PLK5: variants seen among roughly 807,000 people sequenced by gnomAD.
PLK5 encodes the protein polo like kinase 5 (inactive).
PLK5 carries 28 observed loss-of-function variants against 33.7 expected under a neutral mutation model. The observed-to-expected ratio is 0.83, with a 90% confidence interval of 0.62 to 1.14. PLK5 has a LOEUF of 1.14. PLK5 is among the 50% of genes most tolerant of loss of function. PLK5 has a pLI of 0.00. For missense variants in PLK5, 492 were observed against 461.5 expected (o/e 1.07, Z -0.61); for synonymous variants, 225 against 202.2 (o/e 1.11, Z -0.96).
intron 12 of PLK5, among the ~76,000 whole-genome samples, chr19:1,532,317 T>C (rs557201196): frequency 6.6e-6 from 1 of 152,088 alleles, no homozygotes; most frequent in East Asian, 1.9e-4. Flanking sequence ...AGGTGCGGAC[T>C]CGCTTGAACC....
chr19:1,535,328 C>T lies in PLK5; in HGVS notation c.*78C>T, dbSNP rs1914066998. On this transcript the variant is annotated 3_prime_UTR_variant, in exon 14 of 14. Transcript: ENST00000454744. ...TCCATTTCCATTCCTGTGGCTCCCC[C>T]AGAGGGGCTGTCCTGGGGGAGGGCT... 5.5e-6 allele frequency: 8 copies of T among 1,442,476 alleles called. No individual in the cohort carries two copies. The highest frequency in any genetic ancestry group is 6.5e-6 in the Non-Finnish European group (7 of 1,084,386). 89.4% of individuals were successfully genotyped at this position (1,442,476 alleles called of 1,614,324 possible).
In PLK5 at chr19:1,525,616, C is replaced by G. The variant is rs1913718092; in HGVS notation, c.-408C>G. 1 of 152,674 alleles carries G rather than the reference C, an allele frequency of 6.5e-6. No individual in the cohort carries two copies. Among genetic ancestry groups the G allele is most frequent in the South Asian group, 2.1e-4 (1 of 4,840 alleles). The allele number at this position is 152,674 out of a possible 1,614,324, so 9.5% of individuals were successfully genotyped here. ...GCAGGTGGAGCGTGAGATTGCCCTG[C>G]ATAGCCGCCTGCGACCCCGCAACAT... is the stretch of plus-strand genomic sequence containing the variant. On this transcript the variant is annotated 5_prime_UTR_variant, in exon 3 of 14. Transcript: ENST00000454744.
intron 3 of PLK5, among the ~76,000 whole-genome samples, chr19:1,526,010 T>C (rs779059871): frequency 1.3e-5 from 2 of 152,048 alleles, no homozygotes; most frequent in African/African-American, 2.4e-5. Flanking sequence ...CTTGGCCCCC[T>C]TGGACTCACC....
At position 1,526,736 on chromosome 19, in the gene PLK5, A is replaced by G; in HGVS notation, c.-150A>G. Reference sequence around the variant, plus strand: ...CTTCCTTAACAAGAACATGGAGGTGAAGATTGGAGACCTGGGACTGGCGGC... The same window carrying G: ...CTTCCTTAACAAGAACATGGAGGTGGAGATTGGAGACCTGGGACTGGCGGC... On this transcript the variant is annotated 5_prime_UTR_variant, in exon 5 of 14. Coordinates refer to ENST00000454744, the MANE Select transcript of PLK5 (RefSeq NM_001243079.2). The G allele has an allele frequency of 1.8e-6, 1 of 548,674 alleles. No individual in the cohort carries two copies. Among genetic ancestry groups the G allele is most frequent in the South Asian group, 2.0e-5 (1 of 49,068 alleles). The allele number at this position is 548,674 out of a possible 1,614,324, so 34.0% of individuals were successfully genotyped here.
Position 1,529,349 on chromosome 19 carries a change from C to T in PLK5, c.406-57C>T, listed in dbSNP as rs118027195. 4.7e-4 allele frequency: 666 copies of T among 1,432,100 alleles called. 5 individuals are homozygous for T. In the East Asian group the frequency reaches 0.012, roughly 26 times the overall value. 88.7% of individuals were successfully genotyped at this position (1,432,100 alleles called of 1,614,324 possible). A position where few individuals can be genotyped will look rare whatever the true frequency, so the allele number is the denominator to read the frequency against. On this transcript the variant is annotated intron_variant, in intron 9 of 13. Transcript: ENST00000454744. ...GGGCCAGAGCCTGCCACCCACCTCACGCCTGTCCCTGGGGCTGGGGCCGGG... is the reference window on the plus strand; with the variant it reads ...GGGCCAGAGCCTGCCACCCACCTCATGCCTGTCCCTGGGGCTGGGGCCGGG...
At position 1,527,979 on chromosome 19, in the gene PLK5, C is replaced by T. The variant is rs953240778; in HGVS notation, c.46C>T (p.Leu16=). 5.9e-6 allele frequency: 9 copies of T among 1,535,916 alleles called. No individual in the cohort carries two copies. The Admixed American group carries it at 9.8e-5, about 17-fold the overall frequency. ...TGTPPFMASP[L]SEMYQNIREG... is the part of the protein sequence containing the mutation. ...CACCCCACCCTTCATGGCCTCACCC[C>T]TGTCGGAGATGTACCAAAACATCCG... is the stretch of plus-strand genomic sequence containing the variant. Residue 16 remains leucine, a synonymous_variant, in exon 7 of 14, where the codon CTG becomes TTG. Coordinates refer to ENST00000454744, the MANE Select transcript of PLK5 (RefSeq NM_001243079.2).
rs1219794236 is a variant in PLK5, at chr19:1,534,028, A to G, written c.812A>G (p.Asn271Ser). 1.4e-5 allele frequency: 22 copies of G among 1,535,456 alleles called. No homozygotes were observed. The highest frequency in any genetic ancestry group is 9.8e-5 in the East Asian group (4 of 40,892). Reference sequence around the variant, plus strand: ...CACGCCCTGCTGCTGCTGTTCAGCAATGGGATGGTGCAGGTGAGCCCGGGG... The same window carrying G: ...CACGCCCTGCTGCTGCTGTTCAGCAGTGGGATGGTGCAGGTGAGCCCGGGG... ...SEHALLLLFS[N>S]GMVQVSFSGV... The change falls in exon 13 of 14, where the codon AAT becomes AGT. Residue 271 changes from asparagine (N) to serine (S), a missense_variant. Transcript: ENST00000454744.
intron 10 of PLK5, 44 bp downstream of exon 10, chr19:1,529,534 G>C: frequency 6.6e-7 from 1 of 1,511,336 alleles, no homozygotes; most frequent in Non-Finnish European, 8.9e-7. Context: ...GGTGGGGAGG[G>C]AGGAATTACA....
At chr19:1,534,815 T>TAA (rs33945378) in intron 13 of PLK5, among the ~76,000 whole-genome samples, 29 of 146,024 alleles carry the variant, frequency 2.0e-4, no homozygotes, top group African/African-American at 5.7e-4. Context: ...GGACTCTGTT[T>TAA]AAAAAAAAAA....
rs1228781019 is a variant in PLK5 at position 1,528,149 on chromosome 19, T to TTGG, written c.201+15_201+16insTGG. ...TCTTCACACAGGTGGGCGGCGGTCCTCGGCGTGGGGTCCCTGGCGTGGGGT... is the reference window on the plus strand; with the variant it reads ...TCTTCACACAGGTGGGCGGCGGTCCTTGGCGGCGTGGGGTCCCTGGCGTGGGGT... On this transcript the variant is annotated intron_variant, in intron 7 of 13. Transcript: ENST00000454744. 1.9e-5 allele frequency: 21 copies of TTGG among 1,112,240 alleles called. No individual in the cohort carries two copies. Among genetic ancestry groups the TTGG allele is most frequent in the African/African-American group, 9.3e-5 (5 of 53,606 alleles). 68.9% of individuals were successfully genotyped at this position (1,112,240 alleles called of 1,614,324 possible).
At chr19:1,529,629 C>T in intron 10 of PLK5, 118 bp from the exon 11 acceptor site, 1 of 1,401,708 alleles carries the variant, frequency 7.1e-7, no homozygotes, top group Non-Finnish European at 9.8e-7. Flanking sequence ...AATGGGAATG[C>T]CGCCTCTGGG....
intron 11 of PLK5, among the ~76,000 whole-genome samples, chr19:1,530,261 G>T (rs908510475): frequency 6.6e-6 from 1 of 151,814 alleles, no homozygotes. Context: ...CAAACCCCAC[G>T]CCAGGTCTCC....
rs1373688809 is a variant in PLK5, at chr19:1,535,088, C to T, written c.849C>T (p.Ala283=). ...AGGTGAGCTTCAGTGGAGTCCCGGC[C>T]CAACTGGTGCTGAGTGGCGAGGGTG... ...MVQVSFSGVP[A]QLVLSGEGEG... The change falls in exon 14 of 14, where the codon GCC becomes GCT. Residue 283 remains alanine, a synonymous_variant. Transcript: ENST00000454744. The T allele has an allele frequency of 7.8e-6, 12 of 1,532,646 alleles. No homozygotes were observed. Among genetic ancestry groups the T allele is most frequent in the Non-Finnish European group, 1.0e-5 (12 of 1,145,430 alleles). 94.9% of individuals were successfully genotyped at this position (1,532,646 alleles called of 1,614,324 possible). A position where few individuals can be genotyped will look rare whatever the true frequency, so the allele number is the denominator to read the frequency against.
At chr19:1,528,459 ACACCTGCCCACGCCTCC>A in intron 8 of PLK5, 31 bp downstream of exon 8, 2 of 1,476,304 alleles carry the variant, frequency 1.4e-6, no homozygotes, top group Non-Finnish European at 1.8e-6. Flanking sequence ...CACCTGCCCA[ACACCTGCCCACGCCTCC>A]CACCTGCCCA....
intron 10 of PLK5, 61 bp downstream of exon 10, chr19:1,529,551 A>AG (rs1568253510): frequency 6.7e-7 from 1 of 1,490,836 alleles, no homozygotes; most frequent in Admixed American, 2.0e-5. Context: ...TACAAGTGAC[A>AG]GGGGGACCAA....
At chr19:1,529,645 G>T in intron 10 of PLK5, 102 bp from the exon 11 acceptor site, 1 of 1,420,886 alleles carries the variant, frequency 7.0e-7, no homozygotes, top group Non-Finnish European at 9.6e-7. Context: ...CTGGGTTGAG[G>T]ATGAGATGTT....
chr19:1,527,661 G>A (rs1913779797), intron 6 of PLK5, among the ~76,000 whole-genome samples: 1 of 151,668 alleles, frequency 6.6e-6, no homozygotes, highest in African/African-American at 2.4e-5. Context: ...GGTGAGCCAG[G>A]TGCAGGCAGG....
At chr19:1,527,461 G>C (rs1283416215) in intron 6 of PLK5, among the ~76,000 whole-genome samples, 1 of 152,118 alleles carries the variant, frequency 6.6e-6, no homozygotes, top group African/African-American at 2.4e-5. Flanking sequence ...AATTAGCCAG[G>C]AGTGGTGGTG....
At chr19:1,528,261 G>A in intron 7 of PLK5, 41 bp from the exon 8 acceptor site, 1 of 1,535,844 alleles carries the variant, frequency 6.5e-7, no homozygotes, top group Non-Finnish European at 8.7e-7. Flanking sequence ...TCAGGGGCTG[G>A]GTGACCTAAG....
Sources: gnomAD v4.1 joint callset for allele counts (sites outside exome capture counted in the v4.1 genomes callset) on GRCh38, gnomAD v4.1.1 for gene constraint, MANE v1.5 for transcripts, NCBI Gene and HGNC (gene_info 2026-07-23, HGNC 2026-07-21) for gene names.